CXCL17: variants seen among roughly 807,000 people sequenced by gnomAD.
The protein encoded by CXCL17 is C-X-C motif chemokine 17.
A neutral mutation model predicts 15.5 loss-of-function variants in CXCL17; 9 were observed. The observed-to-expected ratio is 0.58, with a 90% CI of 0.35 to 1.01. The LOEUF is 1.01. Ranked by LOEUF, CXCL17 falls within the 50% of genes least tolerant of loss-of-function variation. The pLI is 0.02. For synonymous variants in CXCL17, 52 were observed against 52.3 expected, an observed-to-expected ratio of 0.99 and a Z score of 0.02; for missense variants, 133 against 138.2, an observed-to-expected ratio of 0.96 and a Z score of 0.19.
chr19:42,435,141 T>C (rs1256069158), intron 1 of CXCL17, among the ~76,000 whole-genome samples: 2 of 151,128 alleles, frequency 1.3e-5, no homozygotes, highest in African/African-American at 4.9e-5. Flanking sequence ...ATCGTACCAT[T>C]GTACTCCATC....
chr19:42,428,932 C>T lies in CXCL17; in HGVS notation c.312G>A (p.Gln104=). Residue 104 remains glutamine, a synonymous_variant, in exon 4 of 4, where the codon CAG becomes CAA. Coordinates refer to ENST00000601181, the MANE Select transcript of CXCL17 (RefSeq NM_198477.3). ...RKPNKHSRAC[Q]QFLKQCQLRS... ...TTAGCTGACATTGTTTGAGAAATTG[C>T]TGGCAGGCTCTGGAATGCTTGTTTG... 12 of 1,614,150 alleles carry T rather than the reference C, an allele frequency of 7.4e-6. No homozygotes were observed. The highest frequency in any genetic ancestry group is 1.0e-5 in the Non-Finnish European group (12 of 1,180,006).
In CXCL17 at chr19:42,433,032, C is replaced by G; in HGVS notation, c.206G>C (p.Gly69Ala). The G allele has an allele frequency of 6.2e-7, 1 of 1,614,030 alleles. No individual in the cohort carries two copies. Among genetic ancestry groups the G allele is most frequent in the African/African-American group, 1.3e-5 (1 of 75,016 alleles). The change falls in exon 3 of 4, where the codon GGG (glycine) becomes GCG (alanine). Residue 69 changes from glycine (G) to alanine (A), a missense_variant. Gly to Ala is a moderately conservative substitution (Grantham distance 60). Coordinates refer to ENST00000601181, the MANE Select transcript of CXCL17 (RefSeq NM_198477.3). The stretch of plus-strand genomic sequence containing the variant: ...ACAGGGGCACTGCTTCTTTGGCAGC[C>G]CAGACACTGTCATGAATTTTCTTCT... ...APRRKFMTVS[G>A]LPKKQCPCDH...
intron 1 of CXCL17, among the ~76,000 whole-genome samples, chr19:42,438,682 A>G (rs1286384317): frequency 6.6e-6 from 1 of 151,986 alleles, no homozygotes; most frequent in Non-Finnish European, 1.5e-5. Context: ...TCATTCTCCC[A>G]TGAAAGGAAC....
intron 1 of CXCL17, among the ~76,000 whole-genome samples, chr19:42,435,558 C>G (rs1199325612): frequency 6.6e-6 from 1 of 152,046 alleles, no homozygotes; most frequent in Non-Finnish European, 1.5e-5. Flanking sequence ...TTGGGCTGGG[C>G]GCGGTGGCTC....
chr19:42,433,251 G>A (rs2040801210), intron 2 of CXCL17, among the ~76,000 whole-genome samples, 174 bp from the exon 3 acceptor site: 1 of 152,230 alleles, frequency 6.6e-6, no homozygotes, highest in Admixed American at 6.5e-5. Flanking sequence ...GTATTTCTGA[G>A]TTGTTTTTCC....
At chr19:42,433,922 G>A in intron 1 of CXCL17, 66 bp from the exon 2 acceptor site, 1 of 1,218,726 alleles carries the variant, frequency 8.2e-7, no homozygotes, top group African/African-American at 1.5e-5. Flanking sequence ...TCCCAGCATT[G>A]TTCTACCTAG....
At chr19:42,431,190 A>G (rs574749015) in intron 3 of CXCL17, among the ~76,000 whole-genome samples, 2 of 152,318 alleles carry the variant, frequency 1.3e-5, no homozygotes, top group African/African-American at 4.8e-5. Context: ...GTTGAGTGCC[A>G]TTGCATCTGT....
chr19:42,428,433 G>T lies in CXCL17; in HGVS notation c.*451C>A, dbSNP rs36220989. 4.4e-3 allele frequency: 675 copies of T among 153,246 alleles called. 4 individuals carry two copies. Among genetic ancestry groups the T allele is most frequent in the Middle Eastern group, 0.014 (4 of 296 alleles). The allele number at this position is 153,246 out of a possible 1,614,324, so 9.5% of individuals were successfully genotyped here. On this transcript the variant is annotated 3_prime_UTR_variant, in exon 4 of 4. Transcript: ENST00000601181. ...CAATGGAGACAGAGTGAGGGTCTTG[G>T]TGGGGATAAGTATGTGTAGAATCTG...
intron 3 of CXCL17, among the ~76,000 whole-genome samples, chr19:42,431,091 TG>T (rs1242090000): frequency 1.3e-5 from 2 of 152,190 alleles, no homozygotes; most frequent in African/African-American, 4.8e-5. Context: ...CCCCCTGCCT[TG>T]GCCTCCCAAA....
chr19:42,442,744 T>C lies in CXCL17; in HGVS notation c.79+10A>G. The C allele has an allele frequency of 6.2e-7, 1 of 1,602,876 alleles. No homozygotes were observed. On this transcript the variant is annotated intron_variant, in intron 1 of 3. Coordinates refer to ENST00000601181, the MANE Select transcript of CXCL17 (RefSeq NM_198477.3). ...CCCCCGTTTTCCCCTTCATAGACAG[T>C]CTTGTTTACCTGGATTCAGGCTGCT...
In CXCL17 at chr19:42,442,163, A is replaced by G. The variant is rs149461086; in HGVS notation, c.79+591T>C. On this transcript the variant is annotated intron_variant, in intron 1 of 3. Coordinates refer to ENST00000601181, the MANE Select transcript of CXCL17 (RefSeq NM_198477.3). ...AAATCTTTGTTGAGCTAGTATATACATACATACGTACGTGTGTGTGAGGGG... is the reference window on the plus strand; with the variant it reads ...AAATCTTTGTTGAGCTAGTATATACGTACATACGTACGTGTGTGTGAGGGG... 5.9e-5 allele frequency among the ~76,000 whole-genome samples: 9 copies of G among 151,734 alleles called. 1 individual carries two copies. The East Asian group carries it at 1.2e-3, about 20-fold the overall frequency.
intron 2 of CXCL17, 133 bp from the exon 3 acceptor site, chr19:42,433,210 G>C (rs2040800919): frequency 1.6e-6 from 1 of 625,874 alleles, no homozygotes; most frequent in African/African-American, 1.9e-5. Flanking sequence ...GGTCAACAGA[G>C]AACAGTGTCC....
In CXCL17 at chr19:42,442,752, A is replaced by C. The variant is rs768977275; in HGVS notation, c.79+2T>G. The C allele has an allele frequency of 1.2e-6, 2 of 1,608,416 alleles. No individual in the cohort carries two copies. The highest frequency in any genetic ancestry group is 1.7e-6 in the Non-Finnish European group (2 of 1,176,128). ...TTCCCCTTCATAGACAGTCTTGTTTACCTGGATTCAGGCTGCTAGAGACCA... is the reference window on the plus strand; with the variant it reads ...TTCCCCTTCATAGACAGTCTTGTTTCCCTGGATTCAGGCTGCTAGAGACCA... On this transcript the variant is annotated splice_donor_variant, in intron 1 of 3. Coordinates refer to ENST00000601181, the MANE Select transcript of CXCL17 (RefSeq NM_198477.3). LOFTEE classifies it high-confidence loss of function.
chr19:42,441,027 A>T (rs1179247343), intron 1 of CXCL17, among the ~76,000 whole-genome samples: 3 of 152,176 alleles, frequency 2.0e-5, no homozygotes, highest in African/African-American at 7.2e-5. Context: ...GTTCAGCCCA[A>T]ATGTCAGTAG....
At chr19:42,434,573 C>T (rs851298) in intron 1 of CXCL17, among the ~76,000 whole-genome samples, 16,706 of 152,026 alleles carry the variant, frequency 0.11, 1,024 homozygotes, top group Middle Eastern at 0.2. Context: ...AGGCTTCAGG[C>T]ATGCACCACC....
At chr19:42,435,828 T>TAAA (rs34518705) in intron 1 of CXCL17, among the ~76,000 whole-genome samples, 9 of 136,870 alleles carry the variant, frequency 6.6e-5, no homozygotes, top group Non-Finnish European at 7.8e-5. Context: ...AGACTTTGTC[T>TAAA]AAAAAAAAAA....
At chr19:42,436,230 C>T (rs1286146714) in intron 1 of CXCL17, among the ~76,000 whole-genome samples, 2 of 152,214 alleles carry the variant, frequency 1.3e-5, no homozygotes, top group Non-Finnish European at 2.9e-5. Context: ...ATTCAGGCCT[C>T]CTACTTCCCA....
intron 1 of CXCL17, among the ~76,000 whole-genome samples, chr19:42,442,049 T>C (rs1455541429): frequency 6.6e-6 from 1 of 152,110 alleles, no homozygotes; most frequent in Non-Finnish European, 1.5e-5. Flanking sequence ...TACCATTGCC[T>C]TCAACACTCT....
At chr19:42,432,814 C>G (rs1300954451) in intron 3 of CXCL17, among the ~76,000 whole-genome samples, 162 bp downstream of exon 3, 1 of 152,192 alleles carries the variant, frequency 6.6e-6, no homozygotes, top group Non-Finnish European at 1.5e-5. Context: ...TGCTTTTCCT[C>G]TCTTCCTATT....
Sources: allele counts gnomAD v4.1 joint callset (sites outside exome capture counted in the v4.1 genomes callset), GRCh38; gene constraint gnomAD v4.1.1; transcripts MANE v1.5; gene names NCBI Gene and HGNC (gene_info 2026-07-23, HGNC 2026-07-21).